Variants in ASIC2 observed in about 807,000 individuals in gnomAD.
ASIC2 encodes acid sensing ion channel subunit 2, also known as acid-sensing ion channel 2.
Under a neutral mutation model 57.3 loss-of-function variants are expected in ASIC2, and 25 were observed. The observed-to-expected ratio is 0.44, with a 90% CI of 0.32 to 0.61. The LOEUF (loss-of-function observed/expected upper bound fraction) is 0.61. Ranked by LOEUF, ASIC2 falls within the 20% of genes least tolerant of loss-of-function variation. The probability of loss-of-function intolerance (pLI) is 0.06; values close to 1 mark genes in which losing one functional copy is unlikely to be tolerated. For missense variants in ASIC2, 641 were observed against 738.1 expected (o/e 0.87, Z 1.52); for synonymous variants, 319 against 307.5 (o/e 1.04, Z -0.39).
At chr17:33,232,357 T>C (rs1908123646) in intron 1 of ASIC2, among the ~76,000 whole-genome samples, 1 of 152,064 alleles carries the variant, frequency 6.6e-6, no homozygotes, top group African/African-American at 2.4e-5. Context: ...AATAAATTTC[T>C]GTAGGTAAGA....
intron 3 of ASIC2, among the ~76,000 whole-genome samples, chr17:33,037,026 G>T (rs934598033): frequency 6.7e-6 from 1 of 149,542 alleles, no homozygotes; most frequent in East Asian, 2.0e-4. Flanking sequence ...ACTAGGTGAT[G>T]TAATAACATG....
At chr17:33,381,929 T>C (rs190575915) in intron 1 of ASIC2, among the ~76,000 whole-genome samples, 21 of 152,320 alleles carry the variant, frequency 1.4e-4, no homozygotes, top group Admixed American at 1.3e-4. Context: ...ACACTGGCAC[T>C]GTTTTTGATG....
intron 1 of ASIC2, among the ~76,000 whole-genome samples, chr17:34,136,427 A>G (rs1912128482): frequency 6.6e-6 from 1 of 152,168 alleles, no homozygotes; most frequent in African/African-American, 2.4e-5. Flanking sequence ...GAAGCCCCTT[A>G]CCTAGAGGCT....
At chr17:33,313,511 A>G (rs907734538) in intron 1 of ASIC2, among the ~76,000 whole-genome samples, 2 of 152,168 alleles carry the variant, frequency 1.3e-5, no homozygotes, top group South Asian at 2.1e-4. Flanking sequence ...TTTATTATAT[A>G]TAATTAGGTC....
At chr17:33,316,800 T>C (rs893169741) in intron 1 of ASIC2, among the ~76,000 whole-genome samples, 2 of 152,152 alleles carry the variant, frequency 1.3e-5, no homozygotes, top group Non-Finnish European at 2.9e-5. Context: ...ATTAGAACAA[T>C]AAGCCCAGGT....
At chr17:33,473,563 A>C (rs1048383267) in intron 1 of ASIC2, among the ~76,000 whole-genome samples, 87 of 152,292 alleles carry the variant, frequency 5.7e-4, no homozygotes, top group African/African-American at 2.0e-3. Flanking sequence ...TGAGTTAGGA[A>C]GTAGATCAGA....
chr17:33,099,966 A>G (rs1345472340), intron 2 of ASIC2: 1 of 152,240 alleles, frequency 6.6e-6, no homozygotes, highest in African/African-American at 2.4e-5. Flanking sequence ...AAGAGCTTTC[A>G]TGTGGGATAC....
chr17:33,339,451 T>A (rs144635121), intron 1 of ASIC2, among the ~76,000 whole-genome samples: 1 of 152,204 alleles, frequency 6.6e-6, no homozygotes, highest in African/African-American at 2.4e-5. Context: ...CAAAGATAGA[T>A]GTAGCTGCAT....
chr17:33,501,466 AC>A, intron 1 of ASIC2, among the ~76,000 whole-genome samples: 1 of 152,348 alleles, frequency 6.6e-6, no homozygotes, highest in African/African-American at 2.4e-5. Context: ...AAACACTGGC[AC>A]AGAAAGGTAA....
At chr17:34,095,289 A>G (rs1324361063) in intron 1 of ASIC2, among the ~76,000 whole-genome samples, 2 of 152,192 alleles carry the variant, frequency 1.3e-5, no homozygotes, top group Admixed American at 1.3e-4. Context: ...AAGGGAGCTC[A>G]TGCTGTCAGT....
At chr17:33,394,489 C>G (rs1454415653) in intron 1 of ASIC2, among the ~76,000 whole-genome samples, 2 of 152,236 alleles carry the variant, frequency 1.3e-5, no homozygotes, top group East Asian at 1.9e-4. Flanking sequence ...TATTGTGTAG[C>G]TAGGGTTGGA....
At chr17:33,320,152 ATGTT>A (rs1597681436) in intron 1 of ASIC2, among the ~76,000 whole-genome samples, 2 of 152,308 alleles carry the variant, frequency 1.3e-5, no homozygotes, top group South Asian at 4.1e-4. Flanking sequence ...GTGTGAGAAA[ATGTT>A]TGGATAAAAT....
chr17:33,167,008 C>T (rs975475115), intron 1 of ASIC2, among the ~76,000 whole-genome samples: 2 of 152,202 alleles, frequency 1.3e-5, no homozygotes, highest in Non-Finnish European at 2.9e-5. Flanking sequence ...CAATGTCTGT[C>T]TCATTGACAG....
At chr17:34,037,885 C>T (rs567925686) in intron 1 of ASIC2, 7 of 1,613,892 alleles carry the variant, frequency 4.3e-6, no homozygotes, top group Admixed American at 1.7e-5. Context: ...CTTGCTGAGA[C>T]TGGTTATGGC....
intron 1 of ASIC2, among the ~76,000 whole-genome samples, chr17:34,135,097 T>C (rs1432675118): frequency 1.3e-5 from 2 of 152,180 alleles, no homozygotes; most frequent in Non-Finnish European, 2.9e-5. Context: ...TTGCTAGAAG[T>C]GGAGGCTCTT....
chr17:33,822,308 T>G (rs541590110), intron 1 of ASIC2, among the ~76,000 whole-genome samples: 2 of 152,312 alleles, frequency 1.3e-5, no homozygotes, highest in East Asian at 3.9e-4. Context: ...ACACTTTAGA[T>G]GAATAAAGCA....
intron 1 of ASIC2, among the ~76,000 whole-genome samples, chr17:33,908,039 G>T (rs1240280303): frequency 1.3e-5 from 2 of 152,152 alleles, no homozygotes; most frequent in Middle Eastern, 6.3e-3. Flanking sequence ...TGAGCACTTG[G>T]TTCTCACAGA....
chr17:33,630,453 C>T (rs1470949412), intron 1 of ASIC2, among the ~76,000 whole-genome samples: 2 of 152,120 alleles, frequency 1.3e-5, no homozygotes, highest in Admixed American at 6.5e-5. Context: ...CCCTGTCCTC[C>T]CCGGAGAAAG....
At chr17:34,135,940 C>G (rs954686171) in intron 1 of ASIC2, among the ~76,000 whole-genome samples, 1 of 151,948 alleles carries the variant, frequency 6.6e-6, no homozygotes, top group Admixed American at 6.6e-5. Flanking sequence ...TCCCTATTGC[C>G]TGCGTCAATC....
Sources: gnomAD v4.1 joint callset for allele counts (sites outside exome capture counted in the v4.1 genomes callset) on GRCh38, gnomAD v4.1.1 for gene constraint, MANE v1.5 for transcripts, NCBI Gene and HGNC (gene_info 2026-07-23, HGNC 2026-07-21) for gene names.